Variants in ARHGAP22 observed in about 807,000 individuals in gnomAD.
The protein encoded by ARHGAP22 is Rho GTPase activating protein 22.
Under a neutral mutation model 59.1 loss-of-function variants are expected in ARHGAP22, and 48 were observed. The observed-to-expected ratio is 0.81, with a 90% CI of 0.64 to 1.03. ARHGAP22 has a LOEUF of 1.03. ARHGAP22 is among the 50% of genes least tolerant of loss of function. The probability of loss-of-function intolerance (pLI) is 0.00; values close to 1 mark genes in which losing one functional copy is unlikely to be tolerated. For missense variants in ARHGAP22, 1,015 were observed against 958.7 expected, an observed-to-expected ratio of 1.06 and a Z score of -0.78; for synonymous variants, 445 against 416.4, an observed-to-expected ratio of 1.07 and a Z score of -0.84.
intron 1 of ARHGAP22, among the ~76,000 whole-genome samples, chr10:48,588,196 G>T (rs1222407638): frequency 7.7e-6 from 1 of 130,290 alleles, no homozygotes; most frequent in Non-Finnish European, 1.7e-5. Flanking sequence ...CTGGGGCAAG[G>T]GTAGGCAGGA....
At chr10:48,497,234 G>A (rs977070555) in intron 3 of ARHGAP22, among the ~76,000 whole-genome samples, 13 of 152,220 alleles carry the variant, frequency 8.5e-5, no homozygotes, top group African/African-American at 2.9e-4. Flanking sequence ...CAAAAGCAAA[G>A]CCCACTCCTG....
chr10:48,488,731 C>A (rs2050086151), intron 3 of ARHGAP22, among the ~76,000 whole-genome samples: 2 of 152,322 alleles, frequency 1.3e-5, no homozygotes, highest in African/African-American at 2.4e-5. Flanking sequence ...GTGCTGTTGC[C>A]TCTGATCCTT....
intron 3 of ARHGAP22, among the ~76,000 whole-genome samples, chr10:48,480,856 T>C (rs923351850): frequency 1.3e-5 from 2 of 152,242 alleles, no homozygotes; most frequent in African/African-American, 4.8e-5. Context: ...GTCCCGACTC[T>C]GGGCTCTCAG....
rs58490945 is a variant in ARHGAP22 at position 48,615,954 on chromosome 10, G to GA, written c.53-32803dup. Reference sequence around the variant, plus strand: ...ATGAAATTATTCAGTCTGAGGAACAGAAAAAAAAAAAAAAGAATGAAGAAG... The same window carrying GA: ...ATGAAATTATTCAGTCTGAGGAACAGAAAAAAAAAAAAAAAGAATGAAGAAG... On this transcript the variant is annotated intron_variant, in intron 1 of 9. Transcript: ENST00000435790. Among the ~76,000 whole-genome samples the GA allele has an allele frequency of 4.9e-3, 619 of 125,794 alleles. 3 individuals are homozygous for GA. Among genetic ancestry groups the GA allele is most frequent in the African/African-American group, 9.6e-3 (343 of 35,868 alleles). The allele number at this position is 125,794 out of a possible 152,430, so 82.5% of individuals were successfully genotyped here. A position where few individuals can be genotyped will look rare whatever the true frequency, so the allele number is the denominator to read the frequency against.
intron 3 of ARHGAP22, among the ~76,000 whole-genome samples, chr10:48,495,566 AG>A (rs2050835537): frequency 6.6e-6 from 1 of 152,252 alleles, no homozygotes; most frequent in South Asian, 2.1e-4. Flanking sequence ...TGCCCCAGGC[AG>A]TCTGGCTGCA....
chr10:48,555,958 G>T (rs1345902423), intron 2 of ARHGAP22, among the ~76,000 whole-genome samples: 3 of 152,196 alleles, frequency 2.0e-5, no homozygotes, highest in African/African-American at 7.2e-5. Flanking sequence ...AGGATCAACA[G>T]ATCTGTGTGC....
chr10:48,512,514 T>C (rs1219236712), intron 3 of ARHGAP22, among the ~76,000 whole-genome samples: 1 of 152,264 alleles, frequency 6.6e-6, no homozygotes, highest in Non-Finnish European at 1.5e-5. Flanking sequence ...AAAACAATAC[T>C]GGTCTCATCA....
At chr10:48,574,343 T>C (rs932764798) in intron 2 of ARHGAP22, among the ~76,000 whole-genome samples, 1 of 152,198 alleles carries the variant, frequency 6.6e-6, no homozygotes, top group Non-Finnish European at 1.5e-5. Flanking sequence ...ATAAGACAGA[T>C]TGAAGCCCCA....
intron 3 of ARHGAP22, among the ~76,000 whole-genome samples, chr10:48,492,639 C>T (rs1018529665): frequency 2.6e-5 from 4 of 152,222 alleles, no homozygotes; most frequent in East Asian, 3.9e-4. Context: ...CTACAACCTC[C>T]GCTTCCCAGG....
chr10:48,598,529 C>A (rs983352998), intron 1 of ARHGAP22, among the ~76,000 whole-genome samples: 1 of 152,142 alleles, frequency 6.6e-6, no homozygotes, highest in Admixed American at 6.5e-5. Flanking sequence ...TCAACAAAGG[C>A]CCCTGTGTCT....
chr10:48,626,545 C>T (rs1565020447), intron 1 of ARHGAP22, among the ~76,000 whole-genome samples: 1 of 152,212 alleles, frequency 6.6e-6, no homozygotes, highest in African/African-American at 2.4e-5. Flanking sequence ...ATGGCACATT[C>T]GGAACTTCCT....
At position 48,582,944 on chromosome 10, in the gene ARHGAP22, A is replaced by G. The variant is rs1564931454; in HGVS notation, c.234+9T>C. 1 of 1,614,028 alleles carries G rather than the reference A, an allele frequency of 6.2e-7. No homozygotes were observed. The highest frequency in any genetic ancestry group is 1.7e-5 in the Admixed American group (1 of 60,024). Reference sequence around the variant, plus strand: ...GATGCCCACGGCACACCGGACATGCACTTCTCACCTGGGGCTTGATCTCAT... The same window carrying G: ...GATGCCCACGGCACACCGGACATGCGCTTCTCACCTGGGGCTTGATCTCAT... On this transcript the variant is annotated intron_variant, in intron 2 of 9. Coordinates refer to ENST00000249601, the MANE Select transcript of ARHGAP22 (RefSeq NM_021226.4).
At chr10:48,634,683 T>A (rs1037578261) in intron 1 of ARHGAP22, among the ~76,000 whole-genome samples, 3 of 152,060 alleles carry the variant, frequency 2.0e-5, no homozygotes. Context: ...GGCTGACAGC[T>A]CTGAGCCCAG....
chr10:48,525,127 T>G (rs760428004), intron 3 of ARHGAP22, among the ~76,000 whole-genome samples: 10 of 152,216 alleles, frequency 6.6e-5, no homozygotes, highest in Non-Finnish European at 1.5e-4. Flanking sequence ...TTATTAAAAC[T>G]AAAAATGCTG....
intron 3 of ARHGAP22, among the ~76,000 whole-genome samples, chr10:48,533,337 TCTCATTTCTCTTTTTC>T (rs1221520286): frequency 6.6e-6 from 1 of 152,178 alleles, no homozygotes; most frequent in African/African-American, 2.4e-5. Flanking sequence ...ATGAGACTTG[TCTCATTTCTCTTTTTC>T]CTTTGGCTTC....
chr10:48,576,911 A>ACCCCC (rs1588902410), intron 2 of ARHGAP22, among the ~76,000 whole-genome samples: 1 of 140,326 alleles, frequency 7.1e-6, no homozygotes, highest in Non-Finnish European at 1.5e-5. Flanking sequence ...ATCCCTCCCC[A>ACCCCC]CACCGCCACC....
chr10:48,565,653 C>G (rs1290261475), intron 2 of ARHGAP22, among the ~76,000 whole-genome samples: 2 of 152,120 alleles, frequency 1.3e-5, no homozygotes, highest in African/African-American at 4.8e-5. Flanking sequence ...CAGGTGTGTT[C>G]CAGCCTGTTC....
intron 3 of ARHGAP22, among the ~76,000 whole-genome samples, chr10:48,501,415 CCT>C (rs768836661): frequency 2.0e-4 from 31 of 152,232 alleles, no homozygotes; most frequent in South Asian, 6.2e-4. Flanking sequence ...GTGCAGGGCC[CCT>C]GAGGCCTCCC....
intron 3 of ARHGAP22, among the ~76,000 whole-genome samples, chr10:48,501,824 T>C (rs965897721): frequency 6.6e-6 from 1 of 151,900 alleles, no homozygotes; most frequent in East Asian, 1.9e-4. Context: ...ATGGATGATA[T>C]ATACTCAGAG....
Sources: allele counts gnomAD v4.1 joint callset (sites outside exome capture counted in the v4.1 genomes callset), GRCh38; gene constraint gnomAD v4.1.1; transcripts MANE v1.5; gene names NCBI Gene and HGNC (gene_info 2026-07-23, HGNC 2026-07-21).